TNFRSF10B: variants seen among roughly 807,000 people sequenced by gnomAD.
TNFRSF10B encodes the protein tumor necrosis factor receptor superfamily member 10B.
Under a neutral mutation model 41.4 loss-of-function variants are expected in TNFRSF10B, and 35 were observed. That is an observed-to-expected ratio of 0.85 (90% CI 0.65 to 1.12). TNFRSF10B has a LOEUF of 1.12. Ranked by LOEUF, TNFRSF10B falls within the 50% of genes most tolerant of loss-of-function variation. The probability of loss-of-function intolerance (pLI) is 0.00; values close to 1 mark genes in which losing one functional copy is unlikely to be tolerated. For synonymous variants in TNFRSF10B, 230 were observed against 215.5 expected (o/e 1.07, Z -0.59); for missense variants, 584 against 552.7 (o/e 1.06, Z -0.57).
At chr8:23,030,486 T>C (rs562938442) in intron 3 of TNFRSF10B, among the ~76,000 whole-genome samples, 105 of 152,156 alleles carry the variant, frequency 6.9e-4, no homozygotes, top group African/African-American at 2.3e-3. Flanking sequence ...CTAATGTTTA[T>C]ATTTTTGTAG....
intron 1 of TNFRSF10B, among the ~76,000 whole-genome samples, chr8:23,056,870 TTC>T (rs1172911403): frequency 6.6e-6 from 1 of 152,070 alleles, no homozygotes; most frequent in African/African-American, 2.4e-5. Context: ...CATATATGAG[TTC>T]TCTTTTTTAA....
At position 23,020,809 on chromosome 8, in the gene TNFRSF10B, C is replaced by T. The variant is rs1811494917; in HGVS notation, c.*1862G>A. 4.4e-6 allele frequency: 2 copies of T among 454,140 alleles called. No individual in the cohort carries two copies. The highest frequency in any genetic ancestry group is 8.8e-6 in the Non-Finnish European group (2 of 226,786). 28.1% of individuals were successfully genotyped at this position (454,140 alleles called of 1,614,324 possible). A position where few individuals can be genotyped will look rare whatever the true frequency, so the allele number is the denominator to read the frequency against. On this transcript the variant is annotated 3_prime_UTR_variant, in exon 9 of 9. Transcript: ENST00000276431. The stretch of plus-strand genomic sequence containing the variant: ...GGACCTGGGACCGGACTGGCACCTT[C>T]TGAGCCCTGAGGCTGAGCGTCCTGC...
At chr8:23,042,159 A>C (rs1433448368) in intron 2 of TNFRSF10B, among the ~76,000 whole-genome samples, 2 of 152,152 alleles carry the variant, frequency 1.3e-5, no homozygotes, top group Non-Finnish European at 2.9e-5. Flanking sequence ...TTGACCCTGG[A>C]CCACAGCAAT....
chr8:23,027,732 C>A lies in TNFRSF10B; in HGVS notation c.770G>T (p.Arg257Leu), dbSNP rs185830763. 1 of 1,613,986 alleles carries A rather than the reference C, an allele frequency of 6.2e-7. No homozygotes were observed. The highest frequency in any genetic ancestry group is 8.5e-7 in the Non-Finnish European group (1 of 1,180,022). The part of the protein sequence containing the change: ...ICSGGGGDPE[R>L]VDRSSQRPGA... ...GAGAAATCAACTCACTCTGTCCACA[C>A]GCTCAGGGTCCCCACCACCACCTAA... The change falls in exon 6 of 9, where the codon CGT becomes CTT. Residue 257 changes from arginine (R) to leucine (L), a missense_variant. Arg to Leu is a moderately radical substitution (Grantham distance 102, BLOSUM62 -2). Coordinates refer to ENST00000276431, the MANE Select transcript of TNFRSF10B (RefSeq NM_003842.5).
At chr8:23,025,142 A>G (rs906254416) in intron 7 of TNFRSF10B, among the ~76,000 whole-genome samples, 8 of 152,094 alleles carry the variant, frequency 5.3e-5, no homozygotes, top group Non-Finnish European at 1.2e-4. Flanking sequence ...CAAGAGTGAG[A>G]CCCATCTCAG....
intron 1 of TNFRSF10B, among the ~76,000 whole-genome samples, chr8:23,047,513 A>C (rs761009755): frequency 3.3e-5 from 5 of 152,184 alleles, no homozygotes; most frequent in Non-Finnish European, 7.3e-5. Context: ...CAAAGAGAAA[A>C]AATAATCTGA....
chr8:23,033,620 A>AAAAAAAAAAAAAAG lies in TNFRSF10B; in HGVS notation c.251-2749_251-2748insCTTTTTTTTTTTTT, dbSNP rs1563310598. Among the ~76,000 whole-genome samples, 5 of 107,668 alleles carry AAAAAAAAAAAAAAG rather than the reference A, an allele frequency of 4.6e-5. 1 individual carries two copies. Among genetic ancestry groups the AAAAAAAAAAAAAAG allele is most frequent in the African/African-American group, 1.6e-4 (5 of 31,714 alleles). The allele number at this position is 107,668 out of a possible 152,430, so 70.6% of individuals were successfully genotyped here. A position where few individuals can be genotyped will look rare whatever the true frequency, so the allele number is the denominator to read the frequency against. On this transcript the variant is annotated intron_variant, in intron 2 of 8. Transcript: ENST00000276431. ...AAAAAAAAAAAAAAAAAAAAAAAAA[A>AAAAAAAAAAAAAAG]AGAACCCTGGAAAAGGTAACTATTT...
At chr8:23,041,871 G>A (rs55939050) in intron 2 of TNFRSF10B, among the ~76,000 whole-genome samples, 11,086 of 152,138 alleles carry the variant, frequency 0.073, 522 homozygotes, top group South Asian at 0.13. Flanking sequence ...CTGGCCTATC[G>A]TCTCCAACTT....
chr8:23,058,554 C>T (rs1319664945), intron 1 of TNFRSF10B, among the ~76,000 whole-genome samples: 1 of 151,366 alleles, frequency 6.6e-6, no homozygotes, highest in Non-Finnish European at 1.5e-5. Flanking sequence ...GGCACAATCT[C>T]GGCTCACCAC....
intron 2 of TNFRSF10B, among the ~76,000 whole-genome samples, chr8:23,038,824 T>A (rs1309352574): frequency 6.6e-6 from 1 of 151,732 alleles, no homozygotes; most frequent in Non-Finnish European, 1.5e-5. Flanking sequence ...AGAGCAGGGG[T>A]CTCCAACATT....
Position 23,020,579 on chromosome 8 carries a change from C to G in TNFRSF10B, c.*2092G>C. 4 of 448,260 alleles carry G rather than the reference C, an allele frequency of 8.9e-6. No individual in the cohort carries two copies. The highest frequency in any genetic ancestry group is 6.2e-5 in the South Asian group (4 of 64,052). The allele number at this position is 448,260 out of a possible 1,614,324, so 27.8% of individuals were successfully genotyped here. On this transcript the variant is annotated 3_prime_UTR_variant, in exon 9 of 9. Coordinates refer to ENST00000276431, the MANE Select transcript of TNFRSF10B (RefSeq NM_003842.5). ...TGGTGGCGGGTGCCTGCAATCCCAG[C>G]TACTCCGGAGGCTGAGGCACGAGAA... is the stretch of plus-strand genomic sequence containing the variant.
Position 23,022,922 on chromosome 8 carries a change from T to C in TNFRSF10B, c.1072A>G (p.Met358Val). ...TTGTCCATGAGGCCCAACTTCCTCATGAGCGGCTCCCAGGAGTCAAAGGGC... is the reference window on the plus strand; with the variant it reads ...TTGTCCATGAGGCCCAACTTCCTCACGAGCGGCTCCCAGGAGTCAAAGGGC... ...LVPFDSWEPL[M>V]RKLGLMDNEI... Residue 358 changes from methionine to valine, a missense_variant, in exon 9 of 9, where the codon ATG (methionine) becomes GTG (valine). Physicochemically the swap from Met to Val is conservative, Grantham distance 21. Transcript: ENST00000276431. 1 of 1,614,046 alleles carries C rather than the reference T, an allele frequency of 6.2e-7. No homozygotes were observed.
Position 23,020,861 on chromosome 8 carries a change from C to A in TNFRSF10B, c.*1810G>T. 4.4e-6 allele frequency: 2 copies of A among 454,062 alleles called. No homozygotes were observed. The highest frequency in any genetic ancestry group is 3.1e-5 in the South Asian group (2 of 64,476). The allele number at this position is 454,062 out of a possible 1,614,324, so 28.1% of individuals were successfully genotyped here. ...CAGAAGGCCCAGCAAAGGCAAAGACCAGGAGGCAGCAGCACCCTGTGCCTT... is the reference window on the plus strand; with the variant it reads ...CAGAAGGCCCAGCAAAGGCAAAGACAAGGAGGCAGCAGCACCCTGTGCCTT... On this transcript the variant is annotated 3_prime_UTR_variant, in exon 9 of 9. Transcript: ENST00000276431.
At chr8:23,062,393 A>G (rs576862803) in intron 1 of TNFRSF10B, among the ~76,000 whole-genome samples, 26 of 151,656 alleles carry the variant, frequency 1.7e-4, no homozygotes, top group Admixed American at 1.2e-3. Flanking sequence ...GCTGCTTTTT[A>G]TATTTTTTGT....
chr8:23,043,078 TG>T, intron 2 of TNFRSF10B, 59 bp downstream of exon 2: 1 of 1,493,592 alleles, frequency 6.7e-7, no homozygotes, highest in Non-Finnish European at 9.3e-7. Context: ...GGAAACAGAC[TG>T]GAAGCTCATG....
At chr8:23,066,635 T>C (rs1354743974) in intron 1 of TNFRSF10B, among the ~76,000 whole-genome samples, 3 of 151,944 alleles carry the variant, frequency 2.0e-5, no homozygotes, top group African/African-American at 7.3e-5. Flanking sequence ...CGGCTGGGCG[T>C]GGTGGCTCAC....
intron 1 of TNFRSF10B, among the ~76,000 whole-genome samples, chr8:23,048,382 G>A (rs1812423354): frequency 6.6e-6 from 1 of 150,534 alleles, no homozygotes; most frequent in Admixed American, 6.6e-5. Flanking sequence ...GTTGCAGTGA[G>A]CTGAGATGGC....
At chr8:23,035,303 A>C (rs1305851140) in intron 2 of TNFRSF10B, among the ~76,000 whole-genome samples, 1 of 151,942 alleles carries the variant, frequency 6.6e-6, no homozygotes, top group East Asian at 1.9e-4. Flanking sequence ...CACCACATCC[A>C]ACTAATTTTT....
intron 2 of TNFRSF10B, among the ~76,000 whole-genome samples, chr8:23,039,925 G>A (rs1363374380): frequency 2.0e-5 from 3 of 152,052 alleles, no homozygotes; most frequent in Admixed American, 1.3e-4. Context: ...TAGGTGCGTG[G>A]CTCATACCTG....
Sources: allele counts gnomAD v4.1 joint callset (sites outside exome capture counted in the v4.1 genomes callset), GRCh38; gene constraint gnomAD v4.1.1; transcripts MANE v1.5; gene names NCBI Gene and HGNC (gene_info 2026-07-23, HGNC 2026-07-21).